RSPH14: variants seen among roughly 807,000 people sequenced by gnomAD.
The protein encoded by RSPH14 is radial spoke head 14 homolog.
In RSPH14, 20 loss-of-function variants were observed where a neutral mutation model predicts 26.7. The observed-to-expected ratio is 0.75, with a 90% CI of 0.53 to 1.09. RSPH14 has a LOEUF of 1.09. Among genes scored for constraint, RSPH14 ranks in the 50% least tolerant of loss-of-function variants. The pLI is 0.00. For synonymous variants in RSPH14, 177 were observed against 189.3 expected (o/e 0.93, Z 0.53); for missense variants, 449 against 457.2 (o/e 0.98, Z 0.16).
At chr22:23,149,962 A>C, upstream of RSPH14, 1 of 918,220 alleles carries the variant, frequency 1.1e-6, no homozygotes, top group Non-Finnish European at 1.7e-6. Context: ...TGTGAGGCCT[A>C]GGAAGGAAGG....
At chr22:23,158,020 C>G in the RSPH14 span, 3 of 1,614,088 alleles carry the variant, frequency 1.9e-6, no homozygotes, top group South Asian at 3.3e-5. Flanking sequence ...ACCTCACTGA[C>G]GTGCAGACCC....
chr22:23,066,631 C>G (rs891376059), intron 4 of RSPH14, among the ~76,000 whole-genome samples: 1 of 152,192 alleles, frequency 6.6e-6, no homozygotes, highest in South Asian at 2.1e-4. Flanking sequence ...GAGTCTCGGG[C>G]CTGGCTATTT....
the RSPH14 span, among the ~76,000 whole-genome samples, chr22:23,160,049 G>A: frequency 6.6e-6 from 1 of 152,204 alleles, no homozygotes; most frequent in African/African-American, 2.4e-5. Context: ...CGCAGGGCCT[G>A]GCACATAATA....
intron 4 of RSPH14, among the ~76,000 whole-genome samples, chr22:23,076,722 G>T (rs972665824): frequency 3.3e-5 from 5 of 152,322 alleles, no homozygotes; most frequent in Middle Eastern, 6.8e-3. Flanking sequence ...CATGTCTATG[G>T]AAAACTGTCC....
At position 23,131,110 on chromosome 22, in the gene RSPH14, C is replaced by T. The variant is rs546628810; in HGVS notation, c.421+2916G>A. The T allele has an allele frequency of 2.9e-4, 45 of 154,620 alleles. 2 individuals carry two copies. The South Asian group carries it at 9.0e-3, about 31-fold the overall frequency. 9.6% of individuals were successfully genotyped at this position (154,620 alleles called of 1,614,324 possible). On this transcript the variant is annotated intron_variant, in intron 4 of 6. Coordinates refer to ENST00000216036, the MANE Select transcript of RSPH14 (RefSeq NM_014433.3). ...TGGGATGGGTGAGTGTATCATGATA[C>T]ATTCAAACACCGGAACAGTGTGCAG...
At chr22:23,145,312 C>A, upstream of RSPH14, 1 of 1,554,718 alleles carries the variant, frequency 6.4e-7, no homozygotes. Context: ...CCAGGGTGTC[C>A]AGGAGTCTCT....
the RSPH14 span, among the ~76,000 whole-genome samples, chr22:23,154,149 A>T: frequency 6.7e-6 from 1 of 148,790 alleles, no homozygotes; most frequent in East Asian, 2.0e-4. Context: ...CTGCCCCGGC[A>T]CCTGGAGAAT....
chr22:23,079,479 G>A (rs960378474), intron 4 of RSPH14, among the ~76,000 whole-genome samples: 4 of 152,174 alleles, frequency 2.6e-5, no homozygotes, highest in African/African-American at 4.8e-5. Flanking sequence ...GAGCATGGGC[G>A]TGGGAGTCAG....
At chr22:23,131,465 A>C in intron 4 of RSPH14, 1 of 459,096 alleles carries the variant, frequency 2.2e-6, no homozygotes, top group Non-Finnish European at 3.6e-6. Flanking sequence ...CTTCAAATAA[A>C]AATTTCAAGC....
At chr22:23,091,372 A>G (rs1267342995) in intron 4 of RSPH14, among the ~76,000 whole-genome samples, 1 of 151,982 alleles carries the variant, frequency 6.6e-6, no homozygotes, top group African/African-American at 2.4e-5. Flanking sequence ...ACGCACACAT[A>G]CCACAATGGA....
chr22:23,161,176 C>T, the RSPH14 span, among the ~76,000 whole-genome samples: 11 of 152,196 alleles, frequency 7.2e-5, no homozygotes, highest in Admixed American at 3.3e-4. Context: ...CTGATTCCAC[C>T]TGCCAGGTCA....
chr22:23,130,493 A>AG, intron 4 of RSPH14, among the ~76,000 whole-genome samples: 1 of 13,304 alleles, frequency 7.5e-5, no homozygotes, highest in African/African-American at 8.9e-4. Context: ...AAAGAAGGAA[A>AG]GAAAAAGAAA....
At chr22:23,152,649 C>T in the RSPH14 span, 1 of 927,872 alleles carries the variant, frequency 1.1e-6, no homozygotes, top group Non-Finnish European at 1.7e-6. Context: ...ACTGCTGTGC[C>T]TCAGCCTGCT....
At chr22:23,112,693 T>G (rs1187897005) in intron 4 of RSPH14, among the ~76,000 whole-genome samples, 1 of 152,054 alleles carries the variant, frequency 6.6e-6, no homozygotes, top group Non-Finnish European at 1.5e-5. Flanking sequence ...GTGCTCAAGG[T>G]AAGCACGATG....
At chr22:23,128,262 T>C (rs973934188) in intron 4 of RSPH14, among the ~76,000 whole-genome samples, 4 of 152,342 alleles carry the variant, frequency 2.6e-5, no homozygotes, top group South Asian at 4.1e-4. Context: ...CATGGGGTTC[T>C]ACTCCATTCC....
At chr22:23,110,244 C>G (rs11913553) in intron 4 of RSPH14, among the ~76,000 whole-genome samples, 6,670 of 152,106 alleles carry the variant, frequency 0.044, 482 homozygotes, top group African/African-American at 0.15. Flanking sequence ...CTTTCCACAT[C>G]TAGAATGGAA....
At chr22:23,113,388 C>T (rs146855980) in intron 4 of RSPH14, among the ~76,000 whole-genome samples, 113 of 152,348 alleles carry the variant, frequency 7.4e-4, no homozygotes, top group Non-Finnish European at 1.2e-3. Context: ...CAGCTGCTGC[C>T]ACCACCTTGA....
intron 4 of RSPH14, among the ~76,000 whole-genome samples, chr22:23,109,685 G>A (rs945535409): frequency 6.6e-6 from 1 of 152,216 alleles, no homozygotes; most frequent in African/African-American, 2.4e-5. Context: ...GTCTCCCTCA[G>A]CATCTCAGAT....
the RSPH14 span, chr22:23,159,187 G>C: frequency 6.2e-7 from 1 of 1,610,890 alleles, no homozygotes; most frequent in African/African-American, 1.3e-5. Flanking sequence ...TGAGCAGGCC[G>C]AAGCAGACGC....
Sources: allele counts gnomAD v4.1 joint callset (sites outside exome capture counted in the v4.1 genomes callset), GRCh38; gene constraint gnomAD v4.1.1; transcripts MANE v1.5; gene names NCBI Gene and HGNC (gene_info 2026-07-23, HGNC 2026-07-21).